Variants in FBXO25 observed in about 807,000 individuals in gnomAD.
FBXO25 encodes the protein F-box protein 25.
Under a neutral mutation model 51.9 loss-of-function variants are expected in FBXO25, and 45 were observed. The observed-to-expected ratio is 0.87, with a 90% CI of 0.68 to 1.11. FBXO25 has a LOEUF of 1.11. Among genes scored for constraint, FBXO25 ranks in the 50% most tolerant of loss-of-function variants. The pLI is 0.00. For missense variants in FBXO25, 507 were observed against 428.5 expected, an observed-to-expected ratio of 1.18 and a Z score of -1.62; for synonymous variants, 199 against 151.0, an observed-to-expected ratio of 1.32 and a Z score of -2.33.
intron 2 of FBXO25, among the ~76,000 whole-genome samples, chr8:426,760 A>C (rs551397173): frequency 7.1e-6 from 1 of 141,622 alleles, no homozygotes; most frequent in African/African-American, 2.6e-5. Flanking sequence ...TGCACAGTGC[A>C]GTTGCTTCTC....
rs1401007737 is a variant in FBXO25, at chr8:463,071, T to C, written c.908T>C (p.Leu303Pro). The change falls in exon 9 of 10, where the codon CTT (leucine) becomes CCT (proline). Residue 303 changes from leucine to proline, a missense_variant. Physicochemically the swap from Leu to Pro is moderately conservative, Grantham distance 98. Coordinates refer to ENST00000350302, the MANE Select transcript of FBXO25 (RefSeq NM_183420.2). Reference sequence around the variant, plus strand: ...GAATGGAAGTTGATGTACTTTGCACTTCAGAAACATTACCCAGCGAAGGAG... The same window carrying C: ...GAATGGAAGTTGATGTACTTTGCACCTCAGAAACATTACCCAGCGAAGGAG... ...HIEWKLMYFA[L>P]QKHYPAKEQY... 6.2e-7 allele frequency: 1 copy of C among 1,613,922 alleles called. No homozygotes were observed. The highest frequency in any genetic ancestry group is 8.5e-7 in the Non-Finnish European group (1 of 1,180,006).
At chr8:409,876 C>T (rs1366657663) in intron 1 of FBXO25, among the ~76,000 whole-genome samples, 2 of 152,134 alleles carry the variant, frequency 1.3e-5, no homozygotes, top group Non-Finnish European at 2.9e-5. Context: ...AGTCTAAACA[C>T]CTTTGATATT....
At chr8:458,045 C>G (rs148235149) in intron 7 of FBXO25, among the ~76,000 whole-genome samples, 1 of 152,220 alleles carries the variant, frequency 6.6e-6, no homozygotes, top group Non-Finnish European at 1.5e-5. Context: ...AGACGCTGCC[C>G]TTCTCCAGGT....
chr8:455,845 G>A (rs1585086835), intron 7 of FBXO25, among the ~76,000 whole-genome samples: 1 of 152,182 alleles, frequency 6.6e-6, no homozygotes, highest in Non-Finnish European at 1.5e-5. Context: ...AGACTTTTGT[G>A]CCTTGTCACA....
rs771518695 is a variant in FBXO25, at chr8:468,764, C to T, written c.1037C>T (p.Pro346Leu). Residue 346 changes from proline (P) to leucine (L), a missense_variant, in exon 10 of 10, where the codon CCT becomes CTT. Transcript: ENST00000350302. ...TAADPDSCFT[P>L]VSPQHFIDLF... is the part of the protein sequence containing the mutation. ...GCCGACCCTGACAGCTGCTTCACGCCTGTGTCTCCGCAGCACTTCATCGAC... is the reference window on the plus strand; with the variant it reads ...GCCGACCCTGACAGCTGCTTCACGCTTGTGTCTCCGCAGCACTTCATCGAC... The T allele has an allele frequency of 6.2e-7, 1 of 1,613,970 alleles. No individual in the cohort carries two copies. Among genetic ancestry groups the T allele is most frequent in the African/African-American group, 1.3e-5 (1 of 74,918 alleles).
In FBXO25 at chr8:475,183, C is replaced by T. The variant is rs113975281; in HGVS notation, c.*6379C>T. 1.0e-3 allele frequency: 333 copies of T among 331,520 alleles called. 1 individual carries two copies. Among genetic ancestry groups the T allele is most frequent in the African/African-American group, 6.8e-3 (312 of 45,846 alleles). 20.5% of individuals were successfully genotyped at this position (331,520 alleles called of 1,614,324 possible). On this transcript the variant is annotated 3_prime_UTR_variant, in exon 10 of 10. Coordinates refer to ENST00000350302, the MANE Select transcript of FBXO25 (RefSeq NM_183420.2). ...CATGTGGATGTCCACTTGTCTAGCA[C>T]CATTTGTTGAAAAGACTGTCCTTTC...
intron 2 of FBXO25, among the ~76,000 whole-genome samples, chr8:426,795 T>C (rs1237354511): frequency 7.5e-6 from 1 of 132,684 alleles, no homozygotes; most frequent in Admixed American, 7.2e-5. Context: ...TGGGCCCACA[T>C]TGGCTGTGGC....
In FBXO25 at chr8:475,134, T is replaced by C; in HGVS notation, c.*6330T>C. The C allele has an allele frequency of 2.8e-6, 1 of 362,100 alleles. No homozygotes were observed. Among genetic ancestry groups the C allele is most frequent in the South Asian group, 2.2e-5 (1 of 45,774 alleles). 22.4% of individuals were successfully genotyped at this position (362,100 alleles called of 1,614,324 possible). On this transcript the variant is annotated 3_prime_UTR_variant, in exon 10 of 10. Coordinates refer to ENST00000350302, the MANE Select transcript of FBXO25 (RefSeq NM_183420.2). The stretch of plus-strand genomic sequence containing the variant: ...CCTTTGATCTATTTTAATTTTTATA[T>C]ATGGTGTGAGGTAGATCTAGCTTCA...
chr8:455,026 C>G (rs1799338667), intron 7 of FBXO25, among the ~76,000 whole-genome samples: 1 of 152,134 alleles, frequency 6.6e-6, no homozygotes, highest in Admixed American at 6.5e-5. Context: ...CCCACTATGA[C>G]TGACTTCAAG....
At chr8:468,099 C>T (rs1276150932) in intron 9 of FBXO25, 1 of 1,080,902 alleles carries the variant, frequency 9.3e-7, no homozygotes, top group African/African-American at 1.7e-5. Context: ...TGCGTTCCTC[C>T]TAAGAGTCTG....
Position 455,272 on chromosome 8 carries a change from C to T in FBXO25, c.661-3097C>T, listed in dbSNP as rs533123137. Among the ~76,000 whole-genome samples, 5 of 152,312 alleles carry T rather than the reference C, an allele frequency of 3.3e-5. No individual in the cohort carries two copies. In the East Asian group the frequency reaches 5.8e-4, roughly 18 times the overall value. ...TGAAAGGTCCTTGTTTAGAGGTCCCCTTCAGTGCCAGGCAGGGACCAGCCA... is the reference window on the plus strand; with the variant it reads ...TGAAAGGTCCTTGTTTAGAGGTCCCTTTCAGTGCCAGGCAGGGACCAGCCA... On this transcript the variant is annotated intron_variant, in intron 7 of 9. Coordinates refer to ENST00000350302, the MANE Select transcript of FBXO25 (RefSeq NM_183420.2).
chr8:454,828 T>C (rs551726991), intron 7 of FBXO25, among the ~76,000 whole-genome samples: 25 of 145,322 alleles, frequency 1.7e-4, no homozygotes, highest in Admixed American at 4.9e-4. Context: ...GAAGCAGAGG[T>C]TGCAGTGAAC....
chr8:453,616 G>C (rs555703652), intron 7 of FBXO25, among the ~76,000 whole-genome samples: 1 of 152,262 alleles, frequency 6.6e-6, no homozygotes, highest in East Asian at 1.9e-4. Flanking sequence ...GCTGATGCTG[G>C]ATTGCTGCCT....
chr8:414,106 C>T (rs183614333), intron 2 of FBXO25, among the ~76,000 whole-genome samples: 4 of 152,242 alleles, frequency 2.6e-5, no homozygotes, highest in East Asian at 1.9e-4. Context: ...AACTTTAGGC[C>T]AGAGACTGGT....
chr8:417,601 C>G (rs1481626966), intron 2 of FBXO25, among the ~76,000 whole-genome samples: 1 of 152,194 alleles, frequency 6.6e-6, no homozygotes, highest in Non-Finnish European at 1.5e-5. Context: ...GGGTCTGTGC[C>G]TAGGAACAGA....
intron 9 of FBXO25, 128 bp downstream of exon 9, chr8:463,278 T>G (rs964910280): frequency 6.0e-5 from 65 of 1,080,106 alleles, no homozygotes; most frequent in Non-Finnish European, 8.4e-5. Flanking sequence ...TAAGGAGATA[T>G]ATTTTACCAA....
chr8:463,632 G>C (rs759039485), intron 9 of FBXO25, among the ~76,000 whole-genome samples: 2 of 152,228 alleles, frequency 1.3e-5, no homozygotes, highest in South Asian at 4.1e-4. Context: ...AGTGTCCATA[G>C]AGAAGTCCTA....
At chr8:465,076 G>C (rs1411469714) in intron 9 of FBXO25, among the ~76,000 whole-genome samples, 1 of 152,144 alleles carries the variant, frequency 6.6e-6, no homozygotes, top group Non-Finnish European at 1.5e-5. Flanking sequence ...CACAGTATGG[G>C]GGTGAGTTGT....
chr8:437,053 C>T (rs536803963), intron 5 of FBXO25, among the ~76,000 whole-genome samples: 8 of 152,058 alleles, frequency 5.3e-5, no homozygotes, highest in South Asian at 2.1e-4. Context: ...GTCATTTGGA[C>T]GACTGCATAA....
Sources: allele counts gnomAD v4.1 joint callset (sites outside exome capture counted in the v4.1 genomes callset), GRCh38; gene constraint gnomAD v4.1.1; transcripts MANE v1.5; gene names NCBI Gene and HGNC (gene_info 2026-07-23, HGNC 2026-07-21).